The following NXPH4 variants were observed in gnomAD, a reference collection of about 807,000 sequenced individuals.
NXPH4 encodes the protein neurexophilin-4.
A neutral mutation model predicts 21.3 loss-of-function variants in NXPH4; 8 were observed. The ratio of observed to expected loss-of-function variants is 0.38; its 90% CI spans 0.22 to 0.68. The LOEUF (loss-of-function observed/expected upper bound fraction) is 0.68, where lower values mean the gene tolerates loss of function less well. NXPH4 is among the 30% of genes least tolerant of loss of function. The pLI, the probability that NXPH4 is intolerant of heterozygous loss-of-function variation, is 0.53. For missense variants in NXPH4, 418 were observed against 416.8 expected, an observed-to-expected ratio of 1.00 and a Z score of -0.03; for synonymous variants, 219 against 192.6, an observed-to-expected ratio of 1.14 and a Z score of -1.13.
intron 1 of NXPH4, among the ~76,000 whole-genome samples, chr12:57,223,934 CG>C (rs1338675024): frequency 6.6e-6 from 1 of 152,174 alleles, no homozygotes; most frequent in Non-Finnish European, 1.5e-5. Flanking sequence ...AGGAAAAGAA[CG>C]GCCAGGCGGC....
In NXPH4 at chr12:57,225,373, G is replaced by T; in HGVS notation, c.553G>T (p.Val185Leu). 1 of 1,590,482 alleles carries T rather than the reference G, an allele frequency of 6.3e-7. No individual in the cohort carries two copies. The highest frequency in any genetic ancestry group is 8.5e-7 in the Non-Finnish European group (1 of 1,172,046). ...GCAGTCTACGCTCGCCCTGGAGGGG[G>T]TGCTTCCTGGGCTGGGGCCCCCGCT... is the stretch of plus-strand genomic sequence containing the variant. ...PLQSTLALEG[V>L]LPGLGPPLGM... Residue 185 changes from valine to leucine, a missense_variant, in exon 2 of 2, where the codon GTG becomes TTG. By Grantham distance (32) the Val-to-Leu change is conservative. Transcript: ENST00000349394.
intron 1 of NXPH4, among the ~76,000 whole-genome samples, chr12:57,217,957 C>T (rs897621659): frequency 2.0e-5 from 3 of 152,324 alleles, no homozygotes; most frequent in Middle Eastern, 3.4e-3. Flanking sequence ...GTGTCAGTGC[C>T]TGCCTCACAG....
chr12:57,217,118 C>T (rs1286409667), intron 1 of NXPH4, 92 bp downstream of exon 1: 3 of 1,169,836 alleles, frequency 2.6e-6, no homozygotes, highest in Non-Finnish European at 3.6e-6. Context: ...GCCCGCCCCG[C>T]CCCCAGCTCC....
Position 57,226,004 on chromosome 12 carries a change from G to T in NXPH4, c.*257G>T, listed in dbSNP as rs1320898193. The T allele has an allele frequency of 3.9e-6, 5 of 1,294,010 alleles. No homozygotes were observed. The highest frequency in any genetic ancestry group is 4.1e-6 in the Non-Finnish European group (4 of 985,570). The allele number at this position is 1,294,010 out of a possible 1,614,324, so 80.2% of individuals were successfully genotyped here. On this transcript the variant is annotated 3_prime_UTR_variant, in exon 2 of 2. Coordinates refer to ENST00000349394, the MANE Select transcript of NXPH4 (RefSeq NM_007224.4). ...AAGAGTGCAGCCCCAGAATAGGCGG[G>T]GCTTGGAGGCGGTCCCAATGTCCCC...
rs139684967 is a variant in NXPH4, at chr12:57,225,663, C to G, written c.843C>G (p.Val281=). ...CCTTCAAAGTCATCTGTATCTTCGT[C>G]TCTTTCCTCAGCTTTGACTACAAAC... ...AKPFKVICIF[V]SFLSFDYKLV... Residue 281 remains valine, a synonymous_variant, in exon 2 of 2, where the codon GTC becomes GTG. Coordinates refer to ENST00000349394, the MANE Select transcript of NXPH4 (RefSeq NM_007224.4). The G allele has an allele frequency of 8.9e-4, 1,429 of 1,613,944 alleles. 3 individuals are homozygous for G. Among genetic ancestry groups the G allele is most frequent in the Middle Eastern group, 9.9e-4 (6 of 6,062 alleles).
In NXPH4 at chr12:57,224,489, A is replaced by G. The variant is rs565055942; in HGVS notation, c.58-389A>G. Among the ~76,000 whole-genome samples the G allele has an allele frequency of 2.0e-5, 3 of 152,288 alleles. No homozygotes were observed. In the East Asian group the frequency reaches 5.8e-4, roughly 29 times the overall value. Reference sequence around the variant, plus strand: ...AGCCTCCCTGGCTCAGTTTGCTCAGAGTCCAGTCCCTCCCTGGCTCATTAC... The same window carrying G: ...AGCCTCCCTGGCTCAGTTTGCTCAGGGTCCAGTCCCTCCCTGGCTCATTAC... On this transcript the variant is annotated intron_variant, in intron 1 of 1. Transcript: ENST00000349394.
chr12:57,222,508 A>AT (rs1360495392), intron 1 of NXPH4, among the ~76,000 whole-genome samples: 1 of 152,138 alleles, frequency 6.6e-6, no homozygotes, highest in Non-Finnish European at 1.5e-5. Flanking sequence ...ATCTGATGGC[A>AT]TGGGGATAGG....
chr12:57,222,024 G>A (rs2037096286), intron 1 of NXPH4, among the ~76,000 whole-genome samples: 1 of 152,180 alleles, frequency 6.6e-6, no homozygotes, highest in South Asian at 2.1e-4. Context: ...TGGAAAAACA[G>A]CACAAGAGAG....
chr12:57,222,534 T>C (rs1427004851), intron 1 of NXPH4, among the ~76,000 whole-genome samples: 1 of 152,122 alleles, frequency 6.6e-6, no homozygotes, highest in African/African-American at 2.4e-5. Context: ...CCTGGATGAC[T>C]GGGCTTCTGG....
At chr12:57,221,415 C>T (rs189912987) in intron 1 of NXPH4, 2 of 450,694 alleles carry the variant, frequency 4.4e-6, no homozygotes, top group Non-Finnish European at 4.5e-6. Flanking sequence ...GGGAGGTGCA[C>T]CCTGCAATGC....
chr12:57,216,975 G>A lies in NXPH4; in HGVS notation c.6G>A (p.Arg2=). M[R]LLPEWFLLLF... is the part of the protein sequence containing the mutation. ...CCGCTCAGCCGCCAGAGAAGATGCG[G>A]CTGCTCCCGGAATGGTTCCTCTTGC... Residue 2 remains arginine (R), a synonymous_variant, in exon 1 of 2, where the codon CGG becomes CGA. Coordinates refer to ENST00000349394, the MANE Select transcript of NXPH4 (RefSeq NM_007224.4). The surrounding 1 kb of genome is among the most constrained non-coding windows in gnomAD (Gnocchi z 5.3). 1 of 1,600,792 alleles carries A rather than the reference G, an allele frequency of 6.2e-7. No homozygotes were observed. The highest frequency in any genetic ancestry group is 8.5e-7 in the Non-Finnish European group (1 of 1,174,520).
chr12:57,216,857 GCTCCCGC>G lies in NXPH4; in HGVS notation c.-111_-105del, dbSNP rs1456617105. On this transcript the variant is annotated 5_prime_UTR_variant, in exon 1 of 2. Transcript: ENST00000349394. The surrounding 1 kb of genome is among the most constrained non-coding windows in gnomAD (Gnocchi z 5.3). The stretch of plus-strand genomic sequence containing the variant: ...CGCCGCCGCTCCCGCCGCTCCCGCC[GCTCCCGC>G]CGCTCCCGCAGCCGCCCCGCCGCCC... 47 of 544,122 alleles carry G rather than the reference GCTCCCGC, an allele frequency of 8.6e-5. No homozygotes were observed. The African/African-American group carries it at 9.9e-4, about 11-fold the overall frequency. The allele number at this position is 544,122 out of a possible 1,614,324, so 33.7% of individuals were successfully genotyped here. A position where few individuals can be genotyped will look rare whatever the true frequency, so the allele number is the denominator to read the frequency against.
At chr12:57,220,376 C>G (rs969147454) in intron 1 of NXPH4, among the ~76,000 whole-genome samples, 15 of 152,244 alleles carry the variant, frequency 9.9e-5, no homozygotes, top group Non-Finnish European at 1.2e-4. Context: ...ACATTTATTG[C>G]AATAATAAAG....
rs2037041605 is a variant in NXPH4, at chr12:57,216,809, C to T, written c.-161C>T. On this transcript the variant is annotated 5_prime_UTR_variant, in exon 1 of 2. Transcript: ENST00000349394. The surrounding 1 kb of genome is among the most constrained non-coding windows in gnomAD (Gnocchi z 5.3). ...CCCCGCCCCCAGCGCCGGCTCCGCGCCTCGCGCCCAGTCCGCGGGCCGCGC... is the reference window on the plus strand; with the variant it reads ...CCCCGCCCCCAGCGCCGGCTCCGCGTCTCGCGCCCAGTCCGCGGGCCGCGC... 1 of 255,830 alleles carries T rather than the reference C, an allele frequency of 3.9e-6. No homozygotes were observed. Among genetic ancestry groups the T allele is most frequent in the Non-Finnish European group, 5.8e-6 (1 of 173,426 alleles). The allele number at this position is 255,830 out of a possible 1,614,324, so 15.8% of individuals were successfully genotyped here.
Position 57,217,038 on chromosome 12 carries a change from A to T in NXPH4, c.57+12A>T. 6.3e-7 allele frequency: 1 copy of T among 1,594,254 alleles called. No individual in the cohort carries two copies. Among genetic ancestry groups the T allele is most frequent in the Non-Finnish European group, 8.5e-7 (1 of 1,170,912 alleles). ...GGCTCCTTAGGAAGGTAAGAGTGGC[A>T]GGGCTGGGGCGCTAGCGCGGGCGCG... On this transcript the variant is annotated intron_variant, in intron 1 of 1. Transcript: ENST00000349394.
intron 1 of NXPH4, 86 bp downstream of exon 1, chr12:57,217,112 G>A: frequency 8.2e-7 from 1 of 1,215,174 alleles, no homozygotes; most frequent in African/African-American, 1.6e-5. Flanking sequence ...CCGTGCGCCC[G>A]CCCCGCCCCC....
chr12:57,225,888 A>G lies in NXPH4; in HGVS notation c.*141A>G. ...GGGCGGAGGGGAATGGCTTCTCGGG[A>G]CCCTCAGCTAGCGTGGGTGCCCTTT... On this transcript the variant is annotated 3_prime_UTR_variant, in exon 2 of 2. Coordinates refer to ENST00000349394, the MANE Select transcript of NXPH4 (RefSeq NM_007224.4). The G allele has an allele frequency of 6.9e-7, 1 of 1,449,570 alleles. No individual in the cohort carries two copies. Among genetic ancestry groups the G allele is most frequent in the Non-Finnish European group, 9.0e-7 (1 of 1,106,490 alleles). 89.8% of individuals were successfully genotyped at this position (1,449,570 alleles called of 1,614,324 possible).
Position 57,216,898 on chromosome 12 carries a change from CCCCGCGT to C in NXPH4, c.-68_-62del. 1 of 1,106,862 alleles carries C rather than the reference CCCCGCGT, an allele frequency of 9.0e-7. No homozygotes were observed. Among genetic ancestry groups the C allele is most frequent in the South Asian group, 3.0e-5 (1 of 32,998 alleles). The allele number at this position is 1,106,862 out of a possible 1,614,324, so 68.6% of individuals were successfully genotyped here. A position where few individuals can be genotyped will look rare whatever the true frequency, so the allele number is the denominator to read the frequency against. On this transcript the variant is annotated 5_prime_UTR_variant, in exon 1 of 2. Coordinates refer to ENST00000349394, the MANE Select transcript of NXPH4 (RefSeq NM_007224.4). This position sits in a 1 kb window ranked among gnomAD's most constrained non-coding sequence, Gnocchi z 5.3. ...CAGCCGCCCCGCCGCCCGCCCGGAG[CCCCGCGT>C]CCCTAGGCCTGGCTCCCGCCTGCCC...
rs1408509652 is a variant in NXPH4 at position 57,216,794 on chromosome 12, A to C, written c.-176A>C. On this transcript the variant is annotated 5_prime_UTR_variant, in exon 1 of 2. Coordinates refer to ENST00000349394, the MANE Select transcript of NXPH4 (RefSeq NM_007224.4). This position sits in a 1 kb window ranked among gnomAD's most constrained non-coding sequence, Gnocchi z 5.3. Reference sequence around the variant, plus strand: ...TCTCCCCCGCCCGCGCCCCGCCCCCAGCGCCGGCTCCGCGCCTCGCGCCCA... The same window carrying C: ...TCTCCCCCGCCCGCGCCCCGCCCCCCGCGCCGGCTCCGCGCCTCGCGCCCA... The C allele has an allele frequency of 7.2e-5, 4 of 55,854 alleles. No homozygotes were observed. Among genetic ancestry groups the C allele is most frequent in the South Asian group, 5.6e-4 (1 of 1,786 alleles). The allele number at this position is 55,854 out of a possible 1,614,324, so 3.5% of individuals were successfully genotyped here.
Sources: allele counts gnomAD v4.1 joint callset (sites outside exome capture counted in the v4.1 genomes callset), GRCh38; gene constraint gnomAD v4.1.1; non-coding constraint Gnocchi (gnomAD v3.1); transcripts MANE v1.5; gene names NCBI Gene and HGNC (gene_info 2026-07-23, HGNC 2026-07-21).